LRPPRC: variants seen among roughly 807,000 people sequenced by gnomAD.
The protein encoded by LRPPRC is leucine-rich PPR motif-containing protein, mitochondrial.
Under a neutral mutation model 180.3 loss-of-function variants are expected in LRPPRC, and 120 were observed. The ratio of observed to expected loss-of-function variants is 0.67; its 90% CI spans 0.57 to 0.77. LRPPRC has a LOEUF of 0.77. LRPPRC is among the 30% of genes least tolerant of loss of function. LRPPRC has a pLI of 0.00. For synonymous variants in LRPPRC, 723 were observed against 600.0 expected, an observed-to-expected ratio of 1.21 and a Z score of -3.00; for missense variants, 2,012 against 1,657.2, an observed-to-expected ratio of 1.21 and a Z score of -3.72.
intron 1 of LRPPRC, among the ~76,000 whole-genome samples, chr2:43,992,553 A>C (rs1674829015): frequency 6.6e-6 from 1 of 152,244 alleles, no homozygotes; most frequent in African/African-American, 2.4e-5. Context: ...CTTAAGTGTA[A>C]GCAGGAAAAT....
intron 36 of LRPPRC, among the ~76,000 whole-genome samples, chr2:43,891,624 T>C (rs1670495864): frequency 1.3e-5 from 2 of 152,244 alleles, no homozygotes; most frequent in African/African-American, 2.4e-5. Context: ...ACTGCGATGC[T>C]GACTAGTAAT....
At chr2:43,913,591 T>G (rs1306406300) in intron 29 of LRPPRC, among the ~76,000 whole-genome samples, 1 of 152,150 alleles carries the variant, frequency 6.6e-6, no homozygotes, top group Non-Finnish European at 1.5e-5. Context: ...AAAGAAATAT[T>G]TATCCCTTTA....
chr2:43,928,572 G>T (rs546519146), intron 25 of LRPPRC, among the ~76,000 whole-genome samples: 1 of 151,998 alleles, frequency 6.6e-6, no homozygotes, highest in African/African-American at 2.4e-5. Flanking sequence ...TGTGCACAAG[G>T]GCTTTAAAGA....
chr2:43,945,167 T>C (rs1308063702), intron 22 of LRPPRC, among the ~76,000 whole-genome samples, 165 bp downstream of exon 22: 1 of 152,154 alleles, frequency 6.6e-6, no homozygotes, highest in Non-Finnish European at 1.5e-5. Flanking sequence ...CCATTAAAAC[T>C]AATGGCCTAC....
chr2:43,898,397 A>G (rs1670764342), intron 34 of LRPPRC, among the ~76,000 whole-genome samples: 1 of 152,228 alleles, frequency 6.6e-6, no homozygotes, highest in African/African-American at 2.4e-5. Context: ...ATTTACGATC[A>G]GAAATTGGTC....
chr2:43,894,757 C>T, intron 35 of LRPPRC, 128 bp from the exon 36 acceptor site: 1 of 657,214 alleles, frequency 1.5e-6, no homozygotes, highest in South Asian at 1.7e-5. Context: ...AAATTTAATG[C>T]ACTATTGTCC....
chr2:43,952,857 G>A (rs1262301676), intron 14 of LRPPRC, among the ~76,000 whole-genome samples: 2 of 152,052 alleles, frequency 1.3e-5, no homozygotes, highest in African/African-American at 4.8e-5. Context: ...GCCTTTACCT[G>A]TACTCTCCCC....
rs752264038 is a variant in LRPPRC, at chr2:43,979,851, C to G, written c.444G>C (p.Arg148Ser). ...KLEERTEFAH[R>S]IWDTLQKLGA... ...CTAATTTCTGAAGTGTGTCCCATAT[C>G]CTATGAGCAAATTCTGTTCTCTCTT... The change falls in exon 3 of 38, where the codon AGG (arginine) becomes AGC (serine). Residue 148 changes from arginine (R) to serine (S), a missense_variant. Transcript: ENST00000260665. The G allele has an allele frequency of 1.2e-6, 2 of 1,613,258 alleles. No homozygotes were observed. The highest frequency in any genetic ancestry group is 8.5e-7 in the Non-Finnish European group (1 of 1,179,332).
In LRPPRC at chr2:43,974,306, A is replaced by G; in HGVS notation, c.1010-11T>C. On this transcript the variant is annotated splice_polypyrimidine_tract_variant and intron_variant, in intron 8 of 37. Transcript: ENST00000260665. ...TGAGGTTCATTGCATCTGGGAAGAAAACAAAGACATCTTTTGTTAATAAAC... is the reference window on the plus strand; with the variant it reads ...TGAGGTTCATTGCATCTGGGAAGAAGACAAAGACATCTTTTGTTAATAAAC... 6.3e-7 allele frequency: 1 copy of G among 1,599,154 alleles called. No homozygotes were observed. The highest frequency in any genetic ancestry group is 2.2e-5 in the East Asian group (1 of 44,802).
At chr2:43,896,317 C>T (rs908987148) in intron 35 of LRPPRC, 6 of 201,456 alleles carry the variant, frequency 3.0e-5, no homozygotes, top group South Asian at 8.5e-5. Flanking sequence ...GTGATCCACC[C>T]GCCTCGGCCT....
At chr2:43,973,566 C>T in intron 11 of LRPPRC, 41 bp downstream of exon 11, 1 of 1,270,020 alleles carries the variant, frequency 7.9e-7, no homozygotes, top group East Asian at 2.3e-5. Context: ...GTCATACTGG[C>T]TCTGGGAACC....
chr2:43,960,171 G>A (rs564065817), intron 13 of LRPPRC, among the ~76,000 whole-genome samples: 6 of 152,212 alleles, frequency 3.9e-5, no homozygotes, highest in Admixed American at 2.0e-4. Flanking sequence ...AAACAATACC[G>A]CATTTGATTT....
chr2:43,889,160 C>T (rs7571973), intron 37 of LRPPRC, among the ~76,000 whole-genome samples: 6,837 of 151,644 alleles, frequency 0.045, 513 homozygotes, highest in African/African-American at 0.16. Flanking sequence ...ACTAAAAATA[C>T]GAAAATGTGC....
chr2:43,966,951 TGAA>T (rs1055319057), intron 11 of LRPPRC, among the ~76,000 whole-genome samples: 15 of 151,934 alleles, frequency 9.9e-5, no homozygotes, highest in African/African-American at 3.6e-4. Context: ...CTAGAGAGGC[TGAA>T]GAAGGAGAAC....
chr2:43,912,772 G>C (rs918002936), intron 29 of LRPPRC, among the ~76,000 whole-genome samples: 40 of 152,140 alleles, frequency 2.6e-4, no homozygotes, highest in Admixed American at 2.4e-3. Context: ...AATCTGAATG[G>C]ATGGTGCCTG....
chr2:43,914,202 A>G (rs1382919507), intron 29 of LRPPRC, among the ~76,000 whole-genome samples: 2 of 152,004 alleles, frequency 1.3e-5, no homozygotes, highest in Non-Finnish European at 2.9e-5. Flanking sequence ...TGTGGCCTTC[A>G]CATTAACTTG....
chr2:43,957,051 A>C (rs919020076), intron 14 of LRPPRC, among the ~76,000 whole-genome samples: 11 of 152,230 alleles, frequency 7.2e-5, no homozygotes, highest in Admixed American at 2.6e-4. Flanking sequence ...TACTGAATAA[A>C]AGTCACCTTG....
chr2:43,973,608 T>G lies in LRPPRC; in HGVS notation c.1368A>C (p.Gln456His). ...LVGRRKEKNV[Q>H]GIIEILKGMQ... is the part of the protein sequence containing the mutation. ...AATCGGTAAAAGGCAAAATCTAACC[T>G]TGAACATTTTTTTCCTTCCGACGTC... The change falls in exon 11 of 38, where the codon CAA (glutamine) becomes CAC (histidine). Residue 456 changes from glutamine (Q) to histidine (H), a missense_variant and splice_region_variant. Coordinates refer to ENST00000260665, the MANE Select transcript of LRPPRC (RefSeq NM_133259.4). 1.2e-6 allele frequency: 2 copies of G among 1,608,802 alleles called. No individual in the cohort carries two copies. Among genetic ancestry groups the G allele is most frequent in the Non-Finnish European group, 1.7e-6 (2 of 1,175,160 alleles).
chr2:43,980,894 A>G (rs538007171), intron 2 of LRPPRC, among the ~76,000 whole-genome samples: 20 of 152,292 alleles, frequency 1.3e-4, no homozygotes, highest in African/African-American at 4.6e-4. Context: ...ATGTTCCAAA[A>G]CTGATTGTAG....
Sources: gnomAD v4.1 joint callset for allele counts (sites outside exome capture counted in the v4.1 genomes callset) on GRCh38, gnomAD v4.1.1 for gene constraint, MANE v1.5 for transcripts, NCBI Gene and HGNC (gene_info 2026-07-23, HGNC 2026-07-21) for gene names.